The following PIP4K2A variants were observed in gnomAD, a reference collection of about 807,000 sequenced individuals.
PIP4K2A encodes the protein phosphatidylinositol 5-phosphate 4-kinase type-2 alpha.
In PIP4K2A, 14 loss-of-function variants were observed where a neutral mutation model predicts 42.9. That is an observed-to-expected ratio of 0.33 (90% confidence interval 0.22 to 0.51). The LOEUF (loss-of-function observed/expected upper bound fraction) is 0.51. Among genes scored for constraint, PIP4K2A ranks in the 20% least tolerant of loss-of-function variants. The pLI is 0.97. For synonymous variants in PIP4K2A, 192 were observed against 192.2 expected (o/e 1.00, Z 0.01); for missense variants, 434 against 519.8 (o/e 0.83, Z 1.61).
intron 3 of PIP4K2A, among the ~76,000 whole-genome samples, chr10:22,598,850 G>A (rs1408315235): frequency 6.6e-6 from 1 of 152,164 alleles, no homozygotes; most frequent in East Asian, 1.9e-4. Context: ...ATTAGTTTAT[G>A]GGAAAAAAAT....
chr10:22,611,988 AAG>A (rs996759130), intron 1 of PIP4K2A, among the ~76,000 whole-genome samples: 12 of 152,236 alleles, frequency 7.9e-5, no homozygotes, highest in African/African-American at 2.9e-4. Flanking sequence ...AGTATCACTT[AAG>A]AGAGTCTTCT....
intron 6 of PIP4K2A, among the ~76,000 whole-genome samples, chr10:22,565,061 TGA>T (rs1423405506): frequency 2.7e-5 from 4 of 148,840 alleles, no homozygotes. Flanking sequence ...AATCAATATC[TGA>T]GTGAGTGACC....
rs551943496 is a variant in PIP4K2A, at chr10:22,585,558, T to C, written c.492+6071A>G. On this transcript the variant is annotated intron_variant, in intron 4 of 9. Transcript: ENST00000376573. ...ATATTGCAGCTTCCCTCGGGTTACA[T>C]TCTAAGTCCTATACAACTTCAGGGA... Among the ~76,000 whole-genome samples the C allele has an allele frequency of 4.6e-4, 70 of 152,294 alleles. 1 individual carries two copies. Among genetic ancestry groups the C allele is most frequent in the Non-Finnish European group, 2.9e-4 (20 of 68,012 alleles).
In PIP4K2A at chr10:22,611,885, G is replaced by A. The variant is rs531325390; in HGVS notation, c.145-2168C>T. Among the ~76,000 whole-genome samples the A allele has an allele frequency of 6.6e-5, 10 of 152,342 alleles. No individual in the cohort carries two copies. The East Asian group carries it at 1.5e-3, about 24-fold the overall frequency. ...GGAACAAGAGAAAGCGAAACCCAACGTGGAGGTGGGATCAGACACTGATTA... is the reference window on the plus strand; with the variant it reads ...GGAACAAGAGAAAGCGAAACCCAACATGGAGGTGGGATCAGACACTGATTA... On this transcript the variant is annotated intron_variant, in intron 1 of 9. Transcript: ENST00000376573.
At chr10:22,650,827 A>G (rs1466611046) in intron 1 of PIP4K2A, among the ~76,000 whole-genome samples, 1 of 128,466 alleles carries the variant, frequency 7.8e-6, no homozygotes, top group Non-Finnish European at 1.7e-5. Flanking sequence ...CTTTTTGGAA[A>G]TCTACTGGGT....
At chr10:22,591,899 G>T in intron 3 of PIP4K2A, 118 bp from the exon 4 acceptor site, 1 of 832,050 alleles carries the variant, frequency 1.2e-6, no homozygotes, top group Non-Finnish European at 1.8e-6. Flanking sequence ...ATTTGTGTGT[G>T]GGATAAATTG....
chr10:22,547,422 T>C (rs560318005), intron 7 of PIP4K2A, among the ~76,000 whole-genome samples: 5 of 152,298 alleles, frequency 3.3e-5, no homozygotes, highest in South Asian at 4.1e-4. Flanking sequence ...GCAAATTACA[T>C]AGGGTCTCTG....
At position 22,596,980 on chromosome 10, in the gene PIP4K2A, G is replaced by C. The variant is rs149268309; in HGVS notation, c.340-5199C>G. ...ACATACACCTTCTAATGCCAATTTAGAGTGTGAGCCAGCTGGCACAAAACC... is the reference window on the plus strand; with the variant it reads ...ACATACACCTTCTAATGCCAATTTACAGTGTGAGCCAGCTGGCACAAAACC... On this transcript the variant is annotated intron_variant, in intron 3 of 9. Coordinates refer to ENST00000376573, the MANE Select transcript of PIP4K2A (RefSeq NM_005028.5). 1.6e-4 allele frequency among the ~76,000 whole-genome samples: 24 copies of C among 152,348 alleles called. No homozygotes were observed. The East Asian group carries it at 4.6e-3, about 29-fold the overall frequency.
chr10:22,538,478 C>G (rs75648622), intron 9 of PIP4K2A, among the ~76,000 whole-genome samples: 4,089 of 152,270 alleles, frequency 0.027, 179 homozygotes, highest in African/African-American at 0.092. Context: ...GGCAAAACCC[C>G]ATCAGCAAGG....
At position 22,567,752 on chromosome 10, in the gene PIP4K2A, C is replaced by T. The variant is rs768901216; in HGVS notation, c.678+99G>A. The T allele has an allele frequency of 5.8e-6, 6 of 1,027,132 alleles. No individual in the cohort carries two copies. The South Asian group carries it at 6.3e-5, about 11-fold the overall frequency. The allele number at this position is 1,027,132 out of a possible 1,614,324, so 63.6% of individuals were successfully genotyped here. ...GCAGAATGGGGAACAGGAAGAACCA[C>T]AATAGCAGGGGTGGGAGACTAGAAA... On this transcript the variant is annotated intron_variant, in intron 6 of 9. Coordinates refer to ENST00000376573, the MANE Select transcript of PIP4K2A (RefSeq NM_005028.5).
At chr10:22,621,824 A>C (rs748304643) in intron 1 of PIP4K2A, among the ~76,000 whole-genome samples, 2 of 152,260 alleles carry the variant, frequency 1.3e-5, no homozygotes, top group Non-Finnish European at 2.9e-5. Flanking sequence ...ACCTTCGTTA[A>C]GATTCCAGAA....
Position 22,543,526 on chromosome 10 carries a change from G to A in PIP4K2A, c.793-1479C>T, listed in dbSNP as rs182172371. ...TCAGCTTTCTGGGTCCCAGAGAAGA[G>A]GGGAAGCCACTGCTCATCCCCCCTG... is the stretch of plus-strand genomic sequence containing the variant. On this transcript the variant is annotated intron_variant, in intron 7 of 9. Transcript: ENST00000376573. Among the ~76,000 whole-genome samples the A allele has an allele frequency of 5.4e-3, 819 of 152,330 alleles. 11 individuals are homozygous for A. The highest frequency in any genetic ancestry group is 0.018 in the African/African-American group (743 of 41,572).
intron 4 of PIP4K2A, among the ~76,000 whole-genome samples, chr10:22,585,887 T>C (rs114897884): frequency 0.013 from 1,941 of 152,248 alleles, 41 homozygotes; most frequent in African/African-American, 0.044. Flanking sequence ...TGAGCCACTG[T>C]GTCCAGTCAA....
intron 4 of PIP4K2A, among the ~76,000 whole-genome samples, chr10:22,590,325 T>C (rs1372813953): frequency 2.0e-5 from 3 of 152,230 alleles, no homozygotes; most frequent in Non-Finnish European, 4.4e-5. Flanking sequence ...ATTCCTGGGA[T>C]GTTGCAACAG....
chr10:22,686,462 TTTC>T (rs1474688412), intron 1 of PIP4K2A, among the ~76,000 whole-genome samples: 1 of 152,154 alleles, frequency 6.6e-6, no homozygotes, highest in African/African-American at 2.4e-5. Context: ...CAAGCTCTAT[TTTC>T]TTCTTATTGG....
chr10:22,554,368 G>A (rs1436332785), intron 6 of PIP4K2A, among the ~76,000 whole-genome samples: 1 of 152,208 alleles, frequency 6.6e-6, no homozygotes, highest in African/African-American at 2.4e-5. Context: ...GATGACGTCT[G>A]CAGAGCAGCA....
Position 22,686,504 on chromosome 10 carries a change from T to C in PIP4K2A, c.144+27679A>G, listed in dbSNP as rs1588707163. Among the ~76,000 whole-genome samples, 6 of 152,268 alleles carry C rather than the reference T, an allele frequency of 3.9e-5. No individual in the cohort carries two copies. The South Asian group carries it at 1.2e-3, about 32-fold the overall frequency. On this transcript the variant is annotated intron_variant, in intron 1 of 9. Transcript: ENST00000376573. ...TTTATTTTTTAATTAAGAGATGGGG[T>C]TTTACTCTGTTGCCCAAGCTGGAGT...
At chr10:22,673,067 G>T (rs999196896) in intron 1 of PIP4K2A, among the ~76,000 whole-genome samples, 5 of 152,066 alleles carry the variant, frequency 3.3e-5, no homozygotes, top group Admixed American at 3.3e-4. Context: ...AACACACTTG[G>T]GGTCTATCTG....
At chr10:22,653,319 C>G (rs1405636967) in intron 1 of PIP4K2A, among the ~76,000 whole-genome samples, 1 of 152,110 alleles carries the variant, frequency 6.6e-6, no homozygotes, top group African/African-American at 2.4e-5. Flanking sequence ...CCAAGCCAGG[C>G]CACTTCCTTC....
Sources: gnomAD v4.1 joint callset for allele counts (sites outside exome capture counted in the v4.1 genomes callset) on GRCh38, gnomAD v4.1.1 for gene constraint, MANE v1.5 for transcripts, NCBI Gene and HGNC (gene_info 2026-07-23, HGNC 2026-07-21) for gene names.